PRTG: variants seen among roughly 807,000 people sequenced by gnomAD.
The protein encoded by PRTG is protogenin.
A neutral mutation model predicts 122.5 loss-of-function variants in PRTG; 67 were observed. The ratio of observed to expected loss-of-function variants is 0.55; its 90% CI spans 0.45 to 0.67. The LOEUF is 0.67. PRTG is among the 30% of genes least tolerant of loss of function. The pLI is 0.00. For synonymous variants in PRTG, 554 were observed against 501.1 expected (o/e 1.11, Z -1.41); for missense variants, 1,435 against 1,415.4 (o/e 1.01, Z -0.22).
intron 11 of PRTG, among the ~76,000 whole-genome samples, chr15:55,663,236 G>A (rs1367915082): frequency 1.3e-5 from 2 of 152,184 alleles, no homozygotes; most frequent in Non-Finnish European, 2.9e-5. Flanking sequence ...GGTTCATGGA[G>A]GTCAAGTGAC....
At chr15:55,714,585 G>A (rs1473087383) in intron 2 of PRTG, among the ~76,000 whole-genome samples, 2 of 151,756 alleles carry the variant, frequency 1.3e-5, no homozygotes, top group South Asian at 4.2e-4. Flanking sequence ...ATGAGGTTAA[G>A]TTTCTAAGTG....
At chr15:55,623,031 T>A (rs1003774646) in intron 18 of PRTG, among the ~76,000 whole-genome samples, 1 of 152,208 alleles carries the variant, frequency 6.6e-6, no homozygotes, top group Non-Finnish European at 1.5e-5. Flanking sequence ...CTGTACTAGA[T>A]ACAAGTAAAT....
intron 15 of PRTG, among the ~76,000 whole-genome samples, chr15:55,632,118 C>T (rs2059230985): frequency 6.6e-6 from 1 of 152,110 alleles, no homozygotes; most frequent in South Asian, 2.1e-4. Flanking sequence ...TAGTCCAAAA[C>T]TCTCCCATAA....
chr15:55,696,044 G>A (rs2059630428), intron 2 of PRTG, among the ~76,000 whole-genome samples: 1 of 152,132 alleles, frequency 6.6e-6, no homozygotes, highest in Admixed American at 6.5e-5. Context: ...GGGGGCCAAG[G>A]TGGGAAGTTC....
At chr15:55,697,430 C>T (rs2059637689) in intron 2 of PRTG, among the ~76,000 whole-genome samples, 1 of 152,180 alleles carries the variant, frequency 6.6e-6, no homozygotes, top group South Asian at 2.1e-4. Context: ...GAAAACTTTG[C>T]CTCTTATCTC....
intron 2 of PRTG, among the ~76,000 whole-genome samples, chr15:55,693,393 T>C (rs1191604239): frequency 1.3e-5 from 2 of 149,962 alleles, no homozygotes; most frequent in African/African-American, 4.9e-5. Flanking sequence ...AAGGCGGAGG[T>C]TGCAGTAAGC....
At chr15:55,635,193 G>T (rs1237306762) in intron 15 of PRTG, among the ~76,000 whole-genome samples, 1 of 152,034 alleles carries the variant, frequency 6.6e-6, no homozygotes, top group Admixed American at 6.6e-5. Flanking sequence ...CCTGGTTCAA[G>T]CAATTCTCCT....
At chr15:55,652,262 GC>G (rs957898389) in intron 11 of PRTG, among the ~76,000 whole-genome samples, 49 of 152,148 alleles carry the variant, frequency 3.2e-4, no homozygotes, top group African/African-American at 1.1e-3. Flanking sequence ...GTCAGGATAT[GC>G]CTAATGTATA....
At chr15:55,732,960 T>C (rs1357341015) in intron 2 of PRTG, among the ~76,000 whole-genome samples, 5 of 152,004 alleles carry the variant, frequency 3.3e-5, no homozygotes, top group Non-Finnish European at 7.4e-5. Flanking sequence ...GCCTGTAATC[T>C]CAGCACTTTG....
At chr15:55,625,924 A>C (rs1415622875) in intron 17 of PRTG, among the ~76,000 whole-genome samples, 2 of 152,014 alleles carry the variant, frequency 1.3e-5, no homozygotes, top group African/African-American at 4.8e-5. Flanking sequence ...CACCCGGCCT[A>C]ACATTTTTTG....
intron 11 of PRTG, among the ~76,000 whole-genome samples, chr15:55,645,605 A>T (rs2059317726): frequency 6.6e-6 from 1 of 151,866 alleles, no homozygotes; most frequent in South Asian, 2.1e-4. Context: ...CAATATGTTA[A>T]ATACACGTAA....
At position 55,632,881 on chromosome 15, in the gene PRTG, G is replaced by A. The variant is rs115823204; in HGVS notation, c.2624-3877C>T. 4.5e-3 allele frequency among the ~76,000 whole-genome samples: 682 copies of A among 152,324 alleles called. 8 individuals carry two copies. The highest frequency in any genetic ancestry group is 0.016 in the African/African-American group (650 of 41,574). On this transcript the variant is annotated intron_variant, in intron 15 of 19. Transcript: ENST00000389286. ...TGCGGTACTGCCAGTGCCTAGAATAGAGCCTGGCACATAGTCATCACTCAG... is the reference window on the plus strand; with the variant it reads ...TGCGGTACTGCCAGTGCCTAGAATAAAGCCTGGCACATAGTCATCACTCAG...
chr15:55,622,284 C>A (rs1466223647), intron 18 of PRTG, among the ~76,000 whole-genome samples: 1 of 140,960 alleles, frequency 7.1e-6, no homozygotes, highest in Non-Finnish European at 1.5e-5. Context: ...ATGGCGCGAT[C>A]TCGGCTCATT....
rs1349850186 is a variant in PRTG, at chr15:55,639,621, C to T, written c.2324+21G>A. On this transcript the variant is annotated intron_variant, in intron 13 of 19. Coordinates refer to ENST00000389286, the MANE Select transcript of PRTG (RefSeq NM_173814.6). ...GTGGTGAGGTAAGCAAAGAAAATAA[C>T]CATTAACAGGAGCTACATACGTTTG... 2.5e-6 allele frequency: 4 copies of T among 1,604,624 alleles called. No homozygotes were observed. The South Asian group carries it at 3.3e-5, about 13-fold the overall frequency.
In PRTG at chr15:55,638,663, T is replaced by C. The variant is rs773955056; in HGVS notation, c.2338A>G (p.Met780Val). 6.2e-7 allele frequency: 1 copy of C among 1,612,706 alleles called. No individual in the cohort carries two copies. Among genetic ancestry groups the C allele is most frequent in the African/African-American group, 1.3e-5 (1 of 74,942 alleles). Reference protein sequence around the residue: ...VLYLQTSETHMLVQGLEPNTK... With the variant: ...VLYLQTSETHVLVQGLEPNTK... ...TTTGGTTCTAGACCTTGAACCAACA[T>C]GTGAGTTTCTGATCTATAATAACGA... Residue 780 changes from methionine to valine, a missense_variant, in exon 14 of 20, where the codon ATG becomes GTG. Coordinates refer to ENST00000389286, the MANE Select transcript of PRTG (RefSeq NM_173814.6).
intron 2 of PRTG, among the ~76,000 whole-genome samples, chr15:55,726,173 C>T (rs1050941858): frequency 7.9e-5 from 12 of 152,124 alleles, no homozygotes; most frequent in African/African-American, 2.7e-4. Context: ...AATCTTTTGA[C>T]CTCGTAATCC....
chr15:55,680,750 TA>T, intron 4 of PRTG, 122 bp from the exon 5 acceptor site: 2 of 555,592 alleles, frequency 3.6e-6, no homozygotes, highest in Non-Finnish European at 5.6e-6. Flanking sequence ...TATTGAGATA[TA>T]ACTCACATAC....
At chr15:55,671,907 T>C (rs2059474120) in intron 11 of PRTG, among the ~76,000 whole-genome samples, 1 of 152,208 alleles carries the variant, frequency 6.6e-6, no homozygotes, top group African/African-American at 2.4e-5. Context: ...ACAATGTCTT[T>C]CAGAACACTG....
intron 2 of PRTG, among the ~76,000 whole-genome samples, chr15:55,714,719 C>G (rs571772080): frequency 2.6e-5 from 4 of 152,264 alleles, no homozygotes; most frequent in Non-Finnish European, 5.9e-5. Context: ...AAAAAGTAAA[C>G]ATACACAAAA....
Sources: allele counts gnomAD v4.1 joint callset (sites outside exome capture counted in the v4.1 genomes callset), GRCh38; gene constraint gnomAD v4.1.1; transcripts MANE v1.5; gene names NCBI Gene and HGNC (gene_info 2026-07-23, HGNC 2026-07-21).